The following PRKAR2A variants were observed in gnomAD, a reference collection of about 807,000 sequenced individuals.
PRKAR2A encodes the protein protein kinase cAMP-dependent type II regulatory subunit alpha.
PRKAR2A carries 29 observed loss-of-function variants against 51.9 expected under a neutral mutation model. That is an observed-to-expected ratio of 0.56 (90% confidence interval 0.42 to 0.76). The LOEUF is 0.76. PRKAR2A is among the 30% of genes least tolerant of loss of function. The pLI is 0.00. For synonymous variants in PRKAR2A, 178 were observed against 186.2 expected (o/e 0.96, Z 0.36); for missense variants, 445 against 512.1 (o/e 0.87, Z 1.26).
chr3:48,763,355 C>T (rs2081890620), intron 8 of PRKAR2A, among the ~76,000 whole-genome samples: 1 of 152,072 alleles, frequency 6.6e-6, no homozygotes. Context: ...TGTACCACTA[C>T]CTATCTACCT....
chr3:48,823,796 A>G (rs1405426691), intron 1 of PRKAR2A, among the ~76,000 whole-genome samples: 1 of 151,812 alleles, frequency 6.6e-6, no homozygotes, highest in Non-Finnish European at 1.5e-5. Flanking sequence ...CAAAAAAAAA[A>G]AAAAAAGAAA....
chr3:48,802,479 T>G (rs1336772057), intron 2 of PRKAR2A, among the ~76,000 whole-genome samples: 2 of 150,584 alleles, frequency 1.3e-5, no homozygotes, highest in Non-Finnish European at 3.0e-5. Flanking sequence ...CTGATTAGAA[T>G]AGGCTTAAGA....
intron 1 of PRKAR2A, among the ~76,000 whole-genome samples, chr3:48,821,095 T>C (rs2082951956): frequency 6.6e-6 from 1 of 152,172 alleles, no homozygotes; most frequent in Non-Finnish European, 1.5e-5. Context: ...GGTGGAATGA[T>C]TAGTCCAGCG....
chr3:48,815,980 T>C (rs551162208), intron 1 of PRKAR2A, among the ~76,000 whole-genome samples: 3 of 145,866 alleles, frequency 2.1e-5, no homozygotes, highest in Non-Finnish European at 4.5e-5. Context: ...GATCACACCA[T>C]TGCACTGCAG....
intron 6 of PRKAR2A, among the ~76,000 whole-genome samples, chr3:48,771,553 C>T (rs1184891802): frequency 6.6e-6 from 1 of 152,064 alleles, no homozygotes; most frequent in Non-Finnish European, 1.5e-5. Flanking sequence ...TTAGAGAACA[C>T]ATTCTGATTT....
In PRKAR2A at chr3:48,803,410, GTCTT is replaced by G. The variant is rs549537910; in HGVS notation, c.298+4235_298+4238del. 9.2e-5 allele frequency among the ~76,000 whole-genome samples: 14 copies of G among 152,152 alleles called. No homozygotes were observed. The East Asian group carries it at 2.3e-3, about 25-fold the overall frequency. On this transcript the variant is annotated intron_variant, in intron 2 of 10. Transcript: ENST00000265563. ...AGCCTGGGCAATAGAAGGAGACACTGTCTTTCTTATTTATTTGTTTATTTGTTTA... is the reference window on the plus strand; with the variant it reads ...AGCCTGGGCAATAGAAGGAGACACTGTCTTATTTATTTGTTTATTTGTTTA...
At position 48,773,077 on chromosome 3, in the gene PRKAR2A, T is replaced by C. The variant is rs763917555; in HGVS notation, c.574A>G (p.Asn192Asp). 11 of 1,610,648 alleles carry C rather than the reference T, an allele frequency of 6.8e-6. No individual in the cohort carries two copies. In the African/African-American group the frequency reaches 1.2e-4, roughly 18 times the overall value. ...TATTGACCAACAGAGCGGGTTTGAT[T>C]ATCTTTTGTTACTAAAATGTCATAA... ...GTYDILVTKDNQTRSVGQYDN... is the reference protein window; with the variant it reads ...GTYDILVTKDDQTRSVGQYDN... The change falls in exon 6 of 11, where the codon AAT becomes GAT. Residue 192 changes from asparagine (N) to aspartate (D), a missense_variant. Physicochemically the swap from Asn to Asp is conservative, Grantham distance 23. Transcript: ENST00000265563.
At chr3:48,834,845 TAAAC>T (rs1254488539) in intron 1 of PRKAR2A, among the ~76,000 whole-genome samples, 3 of 145,700 alleles carry the variant, frequency 2.1e-5, no homozygotes, top group African/African-American at 5.1e-5. Flanking sequence ...AAAAGACAAA[TAAAC>T]TAATAAAAAA....
chr3:48,824,542 TA>T (rs1218046076), intron 1 of PRKAR2A, among the ~76,000 whole-genome samples: 4 of 123,866 alleles, frequency 3.2e-5, no homozygotes, highest in African/African-American at 1.2e-4. Context: ...TCCAAAATCA[TA>T]AGAAAGAAAG....
At position 48,763,739 on chromosome 3, in the gene PRKAR2A, C is replaced by A. The variant is rs78088158; in HGVS notation, c.873+1265G>T. ...CTCAAATGGCATTTCCTCAATGAAA[C>A]CATATGTATTACTTCCATTTCTATG... On this transcript the variant is annotated intron_variant, in intron 8 of 10. Transcript: ENST00000265563. Among the ~76,000 whole-genome samples, 912 of 152,248 alleles carry A rather than the reference C, an allele frequency of 6.0e-3. 4 individuals are homozygous for A. The highest frequency in any genetic ancestry group is 9.1e-3 in the Non-Finnish European group (622 of 68,020).
chr3:48,762,265 A>C (rs2081875371), intron 8 of PRKAR2A, among the ~76,000 whole-genome samples: 1 of 152,206 alleles, frequency 6.6e-6, no homozygotes. Context: ...ATTTTTTTAA[A>C]AAAGGCTGTA....
intron 1 of PRKAR2A, among the ~76,000 whole-genome samples, chr3:48,836,924 A>G (rs1417499751): frequency 6.6e-6 from 1 of 152,034 alleles, no homozygotes; most frequent in Admixed American, 6.6e-5. Flanking sequence ...TGAGCTCAGG[A>G]GTTCGAGACC....
chr3:48,825,473 CAT>C (rs2083048994), intron 1 of PRKAR2A, among the ~76,000 whole-genome samples: 1 of 152,022 alleles, frequency 6.6e-6, no homozygotes, highest in African/African-American at 2.4e-5. Context: ...CCCTGGCACA[CAT>C]AGACATTAAA....
chr3:48,809,072 C>T (rs139919296), intron 1 of PRKAR2A, among the ~76,000 whole-genome samples: 1,802 of 152,282 alleles, frequency 0.012, 21 homozygotes, highest in Non-Finnish European at 0.019. Context: ...TGAACCACCG[C>T]GCCTGGCCAA....
chr3:48,827,716 G>A (rs1445181485), intron 1 of PRKAR2A, among the ~76,000 whole-genome samples: 1 of 152,106 alleles, frequency 6.6e-6, no homozygotes, highest in South Asian at 2.1e-4. Flanking sequence ...GTGAGTGAGT[G>A]GTAAGTGAAT....
intron 1 of PRKAR2A, among the ~76,000 whole-genome samples, chr3:48,831,585 G>T (rs2083189226): frequency 6.6e-6 from 1 of 151,426 alleles, no homozygotes; most frequent in Admixed American, 6.6e-5. Flanking sequence ...CTGGTCCTAG[G>T]CCTCTGGCCT....
At chr3:48,833,492 G>T (rs2083228560) in intron 1 of PRKAR2A, among the ~76,000 whole-genome samples, 1 of 151,856 alleles carries the variant, frequency 6.6e-6, no homozygotes, top group East Asian at 1.9e-4. Flanking sequence ...TGGATCACCT[G>T]AGGTCAGGAG....
In PRKAR2A at chr3:48,814,982, G is replaced by A. The variant is rs1426953835; in HGVS notation, c.263-7298C>T. 3.3e-5 allele frequency among the ~76,000 whole-genome samples: 5 copies of A among 152,068 alleles called. No homozygotes were observed. In the East Asian group the frequency reaches 9.6e-4, roughly 29 times the overall value. On this transcript the variant is annotated intron_variant, in intron 1 of 10. Transcript: ENST00000265563. ...GCTGGAATGCAATGGTGCAATCTCG[G>A]CTCAATGCAGCCTCCACCTCCCAGG...
chr3:48,768,480 T>C (rs746469943), intron 6 of PRKAR2A, among the ~76,000 whole-genome samples: 1 of 152,002 alleles, frequency 6.6e-6, no homozygotes, highest in Non-Finnish European at 1.5e-5. Flanking sequence ...GGTGGATCAC[T>C]TGAGGTCAGG....
Sources: allele counts gnomAD v4.1 joint callset (sites outside exome capture counted in the v4.1 genomes callset), GRCh38; gene constraint gnomAD v4.1.1; transcripts MANE v1.5; gene names NCBI Gene and HGNC (gene_info 2026-07-23, HGNC 2026-07-21).